SLC39A11: variants seen among roughly 807,000 people sequenced by gnomAD.
SLC39A11 encodes solute carrier family 39 member 11.
Under a neutral mutation model 36.1 loss-of-function variants are expected in SLC39A11, and 33 were observed. The ratio of observed to expected loss-of-function variants is 0.91; its 90% CI spans 0.69 to 1.22. SLC39A11 has a LOEUF of 1.22. Ranked by LOEUF, SLC39A11 falls within the 50% of genes most tolerant of loss-of-function variation. The pLI is 0.00. For synonymous variants in SLC39A11, 166 were observed against 170.3 expected (o/e 0.97, Z 0.20); for missense variants, 432 against 430.3 (o/e 1.00, Z -0.03).
chr17:72,940,465 G>A (rs557107425), intron 5 of SLC39A11, among the ~76,000 whole-genome samples: 159 of 152,216 alleles, frequency 1.0e-3, no homozygotes, highest in East Asian at 7.7e-4. Flanking sequence ...TAGTAGAGAC[G>A]GGGTTTCACC....
rs2069569452 is a variant in SLC39A11 at position 72,646,534 on chromosome 17, C to T, written c.*1050G>A. On this transcript the variant is annotated 3_prime_UTR_variant, in exon 10 of 10. Coordinates refer to ENST00000255559, the MANE Select transcript of SLC39A11 (RefSeq NM_139177.4). ...TAAAATTACCTCTTCTTTTCCTATC[C>T]CCTTCTTCCTTTCCCATCCTGAGCC... The T allele has an allele frequency of 6.6e-6, 1 of 152,396 alleles. No homozygotes were observed. Among genetic ancestry groups the T allele is most frequent in the South Asian group, 2.1e-4 (1 of 4,824 alleles). 9.4% of individuals were successfully genotyped at this position (152,396 alleles called of 1,614,324 possible).
At chr17:72,668,998 A>G (rs926421480) in intron 7 of SLC39A11, among the ~76,000 whole-genome samples, 1 of 152,220 alleles carries the variant, frequency 6.6e-6, no homozygotes, top group Non-Finnish European at 1.5e-5. Flanking sequence ...ACATAAAACA[A>G]TAGCAACAAC....
At chr17:72,865,202 C>T (rs2080237860) in intron 5 of SLC39A11, among the ~76,000 whole-genome samples, 1 of 152,054 alleles carries the variant, frequency 6.6e-6, no homozygotes, top group African/African-American at 2.4e-5. Flanking sequence ...GTCCCAGGAA[C>T]AGGGGCCTGG....
At chr17:72,870,807 C>A (rs961287150) in intron 5 of SLC39A11, among the ~76,000 whole-genome samples, 2 of 152,208 alleles carry the variant, frequency 1.3e-5, no homozygotes, top group African/African-American at 4.8e-5. Context: ...CTTTGGCAAT[C>A]CCCTCTTCCC....
At chr17:73,066,194 A>C (rs1243348184) in intron 3 of SLC39A11, among the ~76,000 whole-genome samples, 1 of 152,150 alleles carries the variant, frequency 6.6e-6, no homozygotes, top group East Asian at 1.9e-4. Context: ...ACACTACTGA[A>C]CCATGAGCAA....
intron 7 of SLC39A11, among the ~76,000 whole-genome samples, chr17:72,704,601 A>G (rs185728294): frequency 1.2e-4 from 18 of 152,208 alleles, no homozygotes; most frequent in African/African-American, 4.1e-4. Flanking sequence ...CTGTCCCTCA[A>G]AAAAGCCAAA....
At chr17:73,027,901 AAC>A (rs1453838962) in intron 4 of SLC39A11, among the ~76,000 whole-genome samples, 1 of 152,188 alleles carries the variant, frequency 6.6e-6, no homozygotes, top group Admixed American at 6.6e-5. Flanking sequence ...CAGGTGAAAT[AAC>A]ACAGACACTG....
At chr17:72,849,842 C>T in intron 5 of SLC39A11, 38 bp from the exon 6 acceptor site, 1 of 1,497,778 alleles carries the variant, frequency 6.7e-7, no homozygotes, top group East Asian at 2.3e-5. Context: ...TGGGGAAAGA[C>T]AGCGCTTTGA....
At chr17:72,750,602 T>G (rs2075118834) in intron 6 of SLC39A11, among the ~76,000 whole-genome samples, 1 of 152,076 alleles carries the variant, frequency 6.6e-6, no homozygotes, top group South Asian at 2.1e-4. Context: ...CAGGTTCATT[T>G]ATCACTCCCC....
chr17:72,964,918 A>G (rs540414635), intron 4 of SLC39A11, among the ~76,000 whole-genome samples: 1 of 152,364 alleles, frequency 6.6e-6, no homozygotes, highest in African/African-American at 2.4e-5. Context: ...AATACTACGC[A>G]GCCATAAAAA....
intron 5 of SLC39A11, among the ~76,000 whole-genome samples, chr17:72,902,592 C>T (rs1006398628): frequency 2.0e-5 from 3 of 152,122 alleles, no homozygotes; most frequent in Non-Finnish European, 4.4e-5. Context: ...AGTTGCTAAG[C>T]GAAGAATAAA....
intron 7 of SLC39A11, among the ~76,000 whole-genome samples, chr17:72,698,985 C>T (rs978265210): frequency 3.3e-5 from 5 of 152,042 alleles, no homozygotes; most frequent in Admixed American, 6.5e-5. Flanking sequence ...CGCCCGCCAC[C>T]ACACCTAGAT....
intron 6 of SLC39A11, among the ~76,000 whole-genome samples, chr17:72,754,047 CACAT>C (rs1429587085): frequency 0.012 from 450 of 36,116 alleles, 2 homozygotes; most frequent in South Asian, 0.052. Context: ...TATATATATA[CACAT>C]ACACACACAC....
At chr17:72,822,306 G>T (rs1028803611) in intron 6 of SLC39A11, among the ~76,000 whole-genome samples, 3 of 146,870 alleles carry the variant, frequency 2.0e-5, no homozygotes, top group East Asian at 1.9e-4. Flanking sequence ...AATATATATA[G>T]AGAGATATAA....
chr17:72,928,608 AT>A (rs1207074683), intron 5 of SLC39A11, among the ~76,000 whole-genome samples: 7 of 152,244 alleles, frequency 4.6e-5, no homozygotes, highest in African/African-American at 1.7e-4. Flanking sequence ...GGAAAAAAAA[AT>A]TGAATTTCCA....
intron 6 of SLC39A11, among the ~76,000 whole-genome samples, chr17:72,846,022 T>G (rs1012997305): frequency 1.8e-5 from 1 of 56,792 alleles, no homozygotes; most frequent in Non-Finnish European, 3.7e-5. Flanking sequence ...CTCTCTCTTT[T>G]TTTTTTTTTT....
intron 4 of SLC39A11, among the ~76,000 whole-genome samples, chr17:72,990,149 A>C (rs2148282169): frequency 6.6e-6 from 1 of 152,346 alleles, no homozygotes; most frequent in East Asian, 1.9e-4. Context: ...CACTACCCTT[A>C]GGTCCTGCTT....
At chr17:72,888,129 ATAAC>A (rs1264834894) in intron 5 of SLC39A11, among the ~76,000 whole-genome samples, 1 of 152,252 alleles carries the variant, frequency 6.6e-6, no homozygotes, top group African/African-American at 2.4e-5. Context: ...TCAGTACTGA[ATAAC>A]TATTCCACAG....
intron 6 of SLC39A11, among the ~76,000 whole-genome samples, chr17:72,833,124 C>G (rs928316201): frequency 6.6e-6 from 1 of 152,218 alleles, no homozygotes; most frequent in African/African-American, 2.4e-5. Context: ...TCCCTCTTGC[C>G]TGGTCTCCAG....
Sources: allele counts gnomAD v4.1 joint callset (sites outside exome capture counted in the v4.1 genomes callset), GRCh38; gene constraint gnomAD v4.1.1; transcripts MANE v1.5; gene names NCBI Gene and HGNC (gene_info 2026-07-23, HGNC 2026-07-21).